The following ALK variants were observed in gnomAD, a reference collection of about 807,000 sequenced individuals.
The protein encoded by ALK is ALK receptor tyrosine kinase, also known as ALK tyrosine kinase receptor.
In ALK, 74 loss-of-function variants were observed where a neutral mutation model predicts 163.1. The ratio of observed to expected loss-of-function variants is 0.45; its 90% CI spans 0.38 to 0.55. The LOEUF is 0.55. ALK is among the 20% of genes least tolerant of loss of function. ALK has a pLI of 0.00. For synonymous variants in ALK, 960 were observed against 843.2 expected (o/e 1.14, Z -2.40); for missense variants, 2,063 against 2,105.3 (o/e 0.98, Z 0.39).
chr2:29,710,499 CGTGTGT>C (rs55939983), intron 2 of ALK, among the ~76,000 whole-genome samples: 13,477 of 144,692 alleles, frequency 0.093, 1,241 homozygotes, highest in African/African-American at 0.25. Context: ...AGTCTGTGTG[CGTGTGT>C]GTGTGTGTGT....
At chr2:29,720,598 C>G (rs1281551961) in intron 1 of ALK, among the ~76,000 whole-genome samples, 1 of 152,190 alleles carries the variant, frequency 6.6e-6, no homozygotes, top group Non-Finnish European at 1.5e-5. Context: ...CACATGAATG[C>G]AGTTGTTTTC....
intron 3 of ALK, among the ~76,000 whole-genome samples, chr2:29,690,402 T>C (rs1363550644): frequency 1.7e-4 from 26 of 152,204 alleles, no homozygotes; most frequent in Admixed American, 1.6e-3. Context: ...CTTTTCTGCG[T>C]GTGCCCATGA....
intron 1 of ALK, among the ~76,000 whole-genome samples, chr2:29,857,426 C>G (rs1210596787): frequency 6.6e-6 from 1 of 152,080 alleles, no homozygotes; most frequent in Non-Finnish European, 1.5e-5. Flanking sequence ...AAATACAAAC[C>G]AATGAGATGA....
chr2:29,441,472 C>T (rs557209200), intron 4 of ALK, among the ~76,000 whole-genome samples: 2 of 152,270 alleles, frequency 1.3e-5, no homozygotes, highest in East Asian at 3.9e-4. Flanking sequence ...GTTGTGGGTG[C>T]CTGGGTACCA....
chr2:29,418,130 G>C (rs1319726895), intron 4 of ALK, among the ~76,000 whole-genome samples: 2 of 152,154 alleles, frequency 1.3e-5, no homozygotes, highest in East Asian at 3.9e-4. Context: ...TTAACATTTT[G>C]ATTTGAGTAA....
At chr2:29,617,114 T>G (rs775450174) in intron 3 of ALK, among the ~76,000 whole-genome samples, 1 of 152,160 alleles carries the variant, frequency 6.6e-6, no homozygotes, top group African/African-American at 2.4e-5. Context: ...TGCTGGAAAC[T>G]GTCTCTTCTT....
intron 5 of ALK, among the ~76,000 whole-genome samples, chr2:29,331,861 G>GA (rs1349185806): frequency 2.0e-5 from 3 of 152,142 alleles, no homozygotes; most frequent in Non-Finnish European, 4.4e-5. Context: ...AGGATAACAA[G>GA]AAAAGTTCTC....
At chr2:29,814,976 A>AAATGAATG (rs34886147) in intron 1 of ALK, among the ~76,000 whole-genome samples, 75 of 142,004 alleles carry the variant, frequency 5.3e-4, no homozygotes, top group Non-Finnish European at 8.0e-4. Flanking sequence ...ATTTAATCTG[A>AAATGAATG]AATGAATGAA....
At chr2:29,703,783 A>G (rs1294284270) in intron 2 of ALK, among the ~76,000 whole-genome samples, 1 of 152,204 alleles carries the variant, frequency 6.6e-6, no homozygotes, top group Non-Finnish European at 1.5e-5. Flanking sequence ...GAACTTTAAG[A>G]AACATTTGAG....
intron 5 of ALK, among the ~76,000 whole-genome samples, chr2:29,345,988 G>GC (rs762874465): frequency 7.2e-4 from 110 of 152,320 alleles, no homozygotes; most frequent in Non-Finnish European, 1.4e-3. Flanking sequence ...GATTATGAAT[G>GC]CTTTGAGCTC....
At chr2:29,625,428 G>T (rs1361889865) in intron 3 of ALK, among the ~76,000 whole-genome samples, 1 of 152,170 alleles carries the variant, frequency 6.6e-6, no homozygotes. Flanking sequence ...CATTTGCAAA[G>T]TTCTTCTTCC....
At chr2:29,804,776 C>T (rs769193300) in intron 1 of ALK, among the ~76,000 whole-genome samples, 1 of 152,180 alleles carries the variant, frequency 6.6e-6, no homozygotes, top group Non-Finnish European at 1.5e-5. Context: ...GCTAATCTGC[C>T]ATGTTGACTT....
At chr2:29,905,540 A>G (rs1667521581) in intron 1 of ALK, among the ~76,000 whole-genome samples, 1 of 151,162 alleles carries the variant, frequency 6.6e-6, no homozygotes, top group South Asian at 2.1e-4. Context: ...GAAGGAAGAG[A>G]AGGAGGGAAA....
At chr2:29,432,274 C>A (rs1670289841) in intron 4 of ALK, among the ~76,000 whole-genome samples, 1 of 152,084 alleles carries the variant, frequency 6.6e-6, no homozygotes, top group East Asian at 1.9e-4. Context: ...CTTGTGATAA[C>A]AATTGAGTTC....
At chr2:29,464,600 T>A (rs922820551) in intron 4 of ALK, among the ~76,000 whole-genome samples, 1 of 152,008 alleles carries the variant, frequency 6.6e-6, no homozygotes, top group South Asian at 2.1e-4. Context: ...AGATAAAAAA[T>A]ATACCGGATG....
chr2:29,885,713 G>A (rs931092900), intron 1 of ALK, among the ~76,000 whole-genome samples: 1 of 152,178 alleles, frequency 6.6e-6, no homozygotes, highest in Admixed American at 6.5e-5. Flanking sequence ...TGAGGAGGAA[G>A]ACACAGAAGA....
At chr2:29,544,856 C>A (rs183996988) in intron 3 of ALK, among the ~76,000 whole-genome samples, 1 of 152,094 alleles carries the variant, frequency 6.6e-6, no homozygotes, top group South Asian at 2.1e-4. Context: ...ATGATTGTCA[C>A]GTAGCTTAAT....
At chr2:29,556,542 G>A (rs758515710) in intron 3 of ALK, among the ~76,000 whole-genome samples, 31 of 152,176 alleles carry the variant, frequency 2.0e-4, no homozygotes, top group Non-Finnish European at 4.3e-4. Flanking sequence ...CTCTATATAA[G>A]GACTTGAATG....
intron 3 of ALK, among the ~76,000 whole-genome samples, chr2:29,677,397 T>G (rs1677916162): frequency 1.3e-5 from 2 of 151,872 alleles, no homozygotes; most frequent in South Asian, 4.2e-4. Context: ...TTCATTATTA[T>G]GTTGTTTGTT....
Sources: allele counts gnomAD v4.1 joint callset (sites outside exome capture counted in the v4.1 genomes callset), GRCh38; gene constraint gnomAD v4.1.1; transcripts MANE v1.5; gene names NCBI Gene and HGNC (gene_info 2026-07-23, HGNC 2026-07-21).